The following RASGEF1C variants were observed in gnomAD, a reference collection of about 807,000 sequenced individuals.
RASGEF1C encodes ras-GEF domain-containing family member 1C.
Under a neutral mutation model 58.1 loss-of-function variants are expected in RASGEF1C, and 27 were observed. That is an observed-to-expected ratio of 0.46 (90% CI 0.34 to 0.64). The LOEUF (loss-of-function observed/expected upper bound fraction) is 0.64, where lower values mean the gene tolerates loss of function less well. RASGEF1C is among the 30% of genes least tolerant of loss of function. RASGEF1C has a pLI of 0.01. For synonymous variants in RASGEF1C, 243 were observed against 246.3 expected (o/e 0.99, Z 0.13); for missense variants, 502 against 605.1 (o/e 0.83, Z 1.79).
intron 6 of RASGEF1C, among the ~76,000 whole-genome samples, chr5:180,121,391 G>A (rs1766166197): frequency 6.6e-6 from 1 of 151,158 alleles, no homozygotes; most frequent in South Asian, 2.1e-4. Context: ...TCGGCTCACT[G>A]CAAGCTCCGC....
Position 180,177,284 on chromosome 5 carries a change from C to G in RASGEF1C, c.-7+31744G>C, listed in dbSNP as rs547306054. The stretch of plus-strand genomic sequence containing the variant: ...GGCTGCTTTCCCTTTCCGGCCCCAC[C>G]TCCCCACCCAGTGAAGGGGCTGGCC... On this transcript the variant is annotated intron_variant, in intron 1 of 13. Coordinates refer to ENST00000361132, the MANE Select transcript of RASGEF1C (RefSeq NM_175062.4). This position sits in a 1 kb window ranked among gnomAD's most constrained non-coding sequence, Gnocchi z 5.0. 6.6e-6 allele frequency among the ~76,000 whole-genome samples: 1 copy of G among 152,248 alleles called. No homozygotes were observed. The highest frequency in any genetic ancestry group is 1.5e-5 in the Non-Finnish European group (1 of 68,046).
chr5:180,194,040 GAA>G (rs1292452872), intron 1 of RASGEF1C, among the ~76,000 whole-genome samples: 3 of 134,780 alleles, frequency 2.2e-5, no homozygotes, highest in South Asian at 2.4e-4. Context: ...TGAAAAGGTT[GAA>G]AAAAAAAAAA....
chr5:180,148,991 G>A (rs1194938446), intron 1 of RASGEF1C, among the ~76,000 whole-genome samples: 5 of 151,744 alleles, frequency 3.3e-5, no homozygotes, highest in Non-Finnish European at 7.4e-5. Context: ...AGGATTCTTG[G>A]TTGACAGGTT....
At chr5:180,108,555 C>T (rs1765905774) in intron 12 of RASGEF1C, among the ~76,000 whole-genome samples, 1 of 152,134 alleles carries the variant, frequency 6.6e-6, no homozygotes, top group Non-Finnish European at 1.5e-5. Flanking sequence ...ATTGTTCCAT[C>T]TTCCAGTTCA....
intron 1 of RASGEF1C, among the ~76,000 whole-genome samples, chr5:180,162,660 AT>A (rs1766959899): frequency 1.3e-5 from 2 of 152,144 alleles, no homozygotes; most frequent in Admixed American, 6.5e-5. Context: ...TCATAAATAG[AT>A]TTATGTTTAT....
intron 10 of RASGEF1C, chr5:180,115,176 G>A (rs567733739): frequency 4.0e-4 from 133 of 330,956 alleles, no homozygotes; most frequent in African/African-American, 2.4e-3. Flanking sequence ...TGCCACGCCC[G>A]GCTAGTTTTT....
At chr5:180,103,265 G>A (rs573999133) in intron 12 of RASGEF1C, among the ~76,000 whole-genome samples, 2 of 152,100 alleles carry the variant, frequency 1.3e-5, no homozygotes, top group African/African-American at 4.8e-5. Context: ...TTTTAGTAGA[G>A]ATGGGGTTTC....
chr5:180,171,985 TA>T (rs1175847589), intron 1 of RASGEF1C, among the ~76,000 whole-genome samples: 10 of 152,128 alleles, frequency 6.6e-5, no homozygotes, highest in African/African-American at 1.7e-4. Flanking sequence ...CCTACTGGGT[TA>T]GGGGTGGGGT....
rs4235508 is a variant in RASGEF1C at position 180,137,185 on chromosome 5, C to T, written c.300+405G>A. ...TGGTTCAGGCGGGTTGAAGTTGGGT[C>T]TCTCCCACTAGCGGTAGAGCCCTAC... On this transcript the variant is annotated intron_variant, in intron 3 of 13. Coordinates refer to ENST00000361132, the MANE Select transcript of RASGEF1C (RefSeq NM_175062.4). This position sits in a 1 kb window ranked among gnomAD's most constrained non-coding sequence, Gnocchi z 4.1. 0.68 allele frequency among the ~76,000 whole-genome samples: 102,757 copies of T among 152,010 alleles called. 35,950 individuals are homozygous for T. Among genetic ancestry groups the T allele is most frequent in the East Asian group, 0.82 (4,204 of 5,120 alleles).
At chr5:180,160,934 G>A (rs1766933926) in intron 1 of RASGEF1C, among the ~76,000 whole-genome samples, 4 of 152,222 alleles carry the variant, frequency 2.6e-5, no homozygotes, top group Middle Eastern at 3.2e-3. Context: ...TTAGGGAAAC[G>A]TGTCAGCAAG....
chr5:180,151,373 T>A (rs1766742941), intron 1 of RASGEF1C, among the ~76,000 whole-genome samples: 1 of 152,130 alleles, frequency 6.6e-6, no homozygotes, highest in African/African-American at 2.4e-5. Flanking sequence ...AACAGAGATA[T>A]AGACCAATGG....
At chr5:180,165,648 G>A (rs1208309871) in intron 1 of RASGEF1C, among the ~76,000 whole-genome samples, 1 of 144,490 alleles carries the variant, frequency 6.9e-6, no homozygotes, top group Admixed American at 6.9e-5. Context: ...TCCAGCCTGG[G>A]CAACAGAGCG....
intron 5 of RASGEF1C, 55 bp downstream of exon 5, chr5:180,128,355 A>T (rs1766299505): frequency 1.4e-6 from 2 of 1,481,442 alleles, no homozygotes; most frequent in Non-Finnish European, 1.9e-6. Flanking sequence ...GGCACAGTGT[A>T]TCTGTGTGTG....
chr5:180,107,660 G>A (rs1415683196), intron 12 of RASGEF1C, among the ~76,000 whole-genome samples: 2 of 152,034 alleles, frequency 1.3e-5, no homozygotes, highest in Non-Finnish European at 2.9e-5. Flanking sequence ...CCAGGCTGGA[G>A]TGCAGTGGCA....
rs1767250044 is a variant in RASGEF1C, at chr5:180,177,465, C to T, written c.-7+31563G>A. On this transcript the variant is annotated intron_variant, in intron 1 of 13. Coordinates refer to ENST00000361132, the MANE Select transcript of RASGEF1C (RefSeq NM_175062.4). This position sits in a 1 kb window ranked among gnomAD's most constrained non-coding sequence, Gnocchi z 5.0. ...GCAGCAGTCCACGGGCAGGGCAGAG[C>T]CCCGGGCTTCCTTCCGGGACCCCTG... Among the ~76,000 whole-genome samples, 1 of 152,248 alleles carries T rather than the reference C, an allele frequency of 6.6e-6. No individual in the cohort carries two copies. The highest frequency in any genetic ancestry group is 2.1e-4 in the South Asian group (1 of 4,826).
chr5:180,195,835 G>A (rs1483647220), intron 1 of RASGEF1C, among the ~76,000 whole-genome samples: 2 of 151,372 alleles, frequency 1.3e-5, no homozygotes, highest in African/African-American at 4.8e-5. Context: ...CGGTGAGGCA[G>A]TGGCATGTCA....
In RASGEF1C at chr5:180,198,898, CA is replaced by C. The variant is rs1423599203; in HGVS notation, c.-7+10129del. Among the ~76,000 whole-genome samples the C allele has an allele frequency of 2.6e-5, 4 of 152,052 alleles. No individual in the cohort carries two copies. The highest frequency in any genetic ancestry group is 9.7e-5 in the African/African-American group (4 of 41,394). ...GAACCCAGGGAGGCAGAGCTGGGCC[CA>C]CAGGTCCAGGCCTTGAGGCTGGAGG... On this transcript the variant is annotated intron_variant, in intron 1 of 13. Coordinates refer to ENST00000361132, the MANE Select transcript of RASGEF1C (RefSeq NM_175062.4). This position sits in a 1 kb window ranked among gnomAD's most constrained non-coding sequence, Gnocchi z 4.5.
Position 180,101,214 on chromosome 5 carries a change from G to GTCAC in RASGEF1C, c.*286_*287insGTGA, listed in dbSNP as rs1191898149. On this transcript the variant is annotated 3_prime_UTR_variant, in exon 14 of 14. Transcript: ENST00000361132. ...GGGGCAGTGTTGTGTCCTTGCCGAG[G>GTCAC]ATGGACAGACTGACCAGGCCCCACG... The GTCAC allele has an allele frequency of 4.0e-6, 2 of 501,286 alleles. No individual in the cohort carries two copies. The highest frequency in any genetic ancestry group is 7.2e-6 in the Non-Finnish European group (2 of 278,832). The allele number at this position is 501,286 out of a possible 1,614,324, so 31.1% of individuals were successfully genotyped here. A position where few individuals can be genotyped will look rare whatever the true frequency, so the allele number is the denominator to read the frequency against.
intron 1 of RASGEF1C, among the ~76,000 whole-genome samples, chr5:180,176,857 C>T (rs544903435): frequency 6.6e-6 from 1 of 152,144 alleles, no homozygotes; most frequent in Non-Finnish European, 1.5e-5. Flanking sequence ...CGCCTGGTCC[C>T]GGGGCTAATA....
Sources: allele counts gnomAD v4.1 joint callset (sites outside exome capture counted in the v4.1 genomes callset), GRCh38; gene constraint gnomAD v4.1.1; non-coding constraint Gnocchi (gnomAD v3.1); transcripts MANE v1.5; gene names NCBI Gene and HGNC (gene_info 2026-07-23, HGNC 2026-07-21).